The following RBMS3 variants were observed in gnomAD, a reference collection of about 807,000 sequenced individuals.
RBMS3 encodes the protein RNA binding motif single stranded interacting protein 3, also known as RNA-binding motif, single-stranded-interacting protein 3.
RBMS3 carries 27 observed loss-of-function variants against 66.8 expected under a neutral mutation model. That is an observed-to-expected ratio of 0.40 (90% CI 0.30 to 0.56). RBMS3 has a LOEUF of 0.56. Among genes scored for constraint, RBMS3 ranks in the 20% least tolerant of loss-of-function variants. The pLI, the probability that RBMS3 is intolerant of heterozygous loss-of-function variation, is 0.40. For synonymous variants in RBMS3, 188 were observed against 183.0 expected (o/e 1.03, Z -0.22); for missense variants, 513 against 549.5 (o/e 0.93, Z 0.66).
chr3:29,316,484 G>A (rs1478214056), intron 1 of RBMS3, among the ~76,000 whole-genome samples: 1 of 151,568 alleles, frequency 6.6e-6, no homozygotes, highest in Non-Finnish European at 1.5e-5. Flanking sequence ...TCAGGGATGA[G>A]TGAACTTTCT....
At chr3:29,378,242 G>A (rs1180826355) in intron 1 of RBMS3, among the ~76,000 whole-genome samples, 1 of 152,158 alleles carries the variant, frequency 6.6e-6, no homozygotes, top group Non-Finnish European at 1.5e-5. Context: ...GGAGGCCCAG[G>A]AGGGTGGATC....
At chr3:29,526,443 C>G (rs1009743792) in intron 3 of RBMS3, 5 of 136,690 alleles carry the variant, frequency 3.7e-5, no homozygotes, top group Admixed American at 3.3e-4. Context: ...ATGGCGTGAA[C>G]CCGGGAGGCA....
At chr3:29,815,257 C>A (rs2057851408) in intron 6 of RBMS3, among the ~76,000 whole-genome samples, 2 of 152,302 alleles carry the variant, frequency 1.3e-5, no homozygotes, top group African/African-American at 4.8e-5. Flanking sequence ...CTTATCTGCA[C>A]TCGAGCTTCC....
At chr3:29,987,107 T>G (rs1698440287) in intron 12 of RBMS3, among the ~76,000 whole-genome samples, 1 of 152,228 alleles carries the variant, frequency 6.6e-6, no homozygotes, top group African/African-American at 2.4e-5. Context: ...TAGTATTTGA[T>G]CTCAGCAAAT....
At chr3:29,525,413 G>T (rs1406432706) in intron 3 of RBMS3, among the ~76,000 whole-genome samples, 1 of 152,206 alleles carries the variant, frequency 6.6e-6, no homozygotes, top group East Asian at 1.9e-4. Flanking sequence ...TGGACCTTTT[G>T]TCCACACTCA....
intron 6 of RBMS3, among the ~76,000 whole-genome samples, chr3:29,837,197 A>C (rs762953868): frequency 2.6e-5 from 4 of 152,104 alleles, no homozygotes; most frequent in African/African-American, 4.8e-5. Context: ...ATTCTCCTCC[A>C]AAACCATAAT....
intron 7 of RBMS3, among the ~76,000 whole-genome samples, chr3:29,871,645 G>A (rs911149045): frequency 5.9e-5 from 9 of 152,088 alleles, no homozygotes; most frequent in Middle Eastern, 3.2e-3. Flanking sequence ...TTATGCTGCT[G>A]TGGAATTGAA....
chr3:29,695,029 A>T (rs142237281), intron 4 of RBMS3, among the ~76,000 whole-genome samples: 38 of 152,236 alleles, frequency 2.5e-4, no homozygotes, highest in African/African-American at 9.1e-4. Context: ...CCCACTGCTG[A>T]GTCACTCACC....
At chr3:29,390,315 G>GT (rs1359955116) in intron 1 of RBMS3, among the ~76,000 whole-genome samples, 1 of 152,024 alleles carries the variant, frequency 6.6e-6, no homozygotes, top group Non-Finnish European at 1.5e-5. Flanking sequence ...GGAAAATGTG[G>GT]TTTTGACACT....
intron 4 of RBMS3, among the ~76,000 whole-genome samples, chr3:29,646,287 C>T (rs956362247): frequency 3.3e-5 from 5 of 152,142 alleles, no homozygotes; most frequent in Non-Finnish European, 5.9e-5. Flanking sequence ...GTCTGATAAA[C>T]TTATCAAGGA....
chr3:29,503,798 A>C (rs1350787179), intron 3 of RBMS3, among the ~76,000 whole-genome samples: 1 of 152,132 alleles, frequency 6.6e-6, no homozygotes. Flanking sequence ...GTGCCTATAA[A>C]GTACCTCTGC....
chr3:29,531,315 A>G (rs750533635), intron 3 of RBMS3, among the ~76,000 whole-genome samples: 40 of 152,394 alleles, frequency 2.6e-4, no homozygotes, highest in Middle Eastern at 3.4e-3. Flanking sequence ...CTTATGTACA[A>G]TAAAATTTGA....
At chr3:29,530,732 C>T (rs983228662) in intron 3 of RBMS3, among the ~76,000 whole-genome samples, 10 of 149,768 alleles carry the variant, frequency 6.7e-5, no homozygotes, top group African/African-American at 2.0e-4. Context: ...ATTAGATGGG[C>T]GTGGTGGCGG....
In RBMS3 at chr3:29,950,955, A is replaced by C. The variant is rs577039017; in HGVS notation, c.1098+6701A>C. On this transcript the variant is annotated intron_variant, in intron 12 of 14. Transcript: ENST00000383767. ...ACTAACAATGTAAAATACCCAGCTT[A>C]ATCTATTTTCCCTTAGCCTTGGTTA... 1.5e-4 allele frequency among the ~76,000 whole-genome samples: 23 copies of C among 151,958 alleles called. No homozygotes were observed. In the South Asian group the frequency reaches 4.4e-3, roughly 29 times the overall value.
intron 14 of RBMS3, 162 bp downstream of exon 14, chr3:29,991,371 C>A: frequency 8.5e-7 from 1 of 1,182,120 alleles, no homozygotes; most frequent in Non-Finnish European, 1.2e-6. Context: ...TTTGGGCTAA[C>A]TTTGGGTGGA....
chr3:29,454,215 A>G (rs942757982), intron 2 of RBMS3, among the ~76,000 whole-genome samples: 2 of 152,254 alleles, frequency 1.3e-5, no homozygotes, highest in Admixed American at 6.5e-5. Context: ...ACCATCTGTA[A>G]GTTTGCTGCA....
intron 2 of RBMS3, among the ~76,000 whole-genome samples, chr3:29,441,284 C>G (rs147737272): frequency 1.7e-3 from 262 of 152,156 alleles, no homozygotes; most frequent in African/African-American, 6.2e-3. Context: ...CAGATTTGGG[C>G]AAAATTATGT....
chr3:29,927,836 C>CT (rs1216367002), intron 10 of RBMS3, among the ~76,000 whole-genome samples: 1 of 152,088 alleles, frequency 6.6e-6, no homozygotes. Flanking sequence ...GTAGAAGCCT[C>CT]TTTTTGACAG....
At chr3:29,587,719 G>A (rs1038936533) in intron 4 of RBMS3, among the ~76,000 whole-genome samples, 2 of 151,810 alleles carry the variant, frequency 1.3e-5, no homozygotes, top group African/African-American at 4.8e-5. Flanking sequence ...ATCTGTGCAG[G>A]GAAATGAGTT....
Sources: gnomAD v4.1 joint callset for allele counts (sites outside exome capture counted in the v4.1 genomes callset) on GRCh38, gnomAD v4.1.1 for gene constraint, MANE v1.5 for transcripts, NCBI Gene and HGNC (gene_info 2026-07-23, HGNC 2026-07-21) for gene names.